Variants in HDAC9 observed in about 807,000 individuals in gnomAD.
HDAC9 encodes the protein histone deacetylase 9.
In HDAC9, 41 loss-of-function variants were observed where a neutral mutation model predicts 139.4. That is an observed-to-expected ratio of 0.29 (90% CI 0.23 to 0.38). The LOEUF (loss-of-function observed/expected upper bound fraction) is 0.38, where lower values mean the gene tolerates loss of function less well. Ranked by LOEUF, HDAC9 falls within the 10% of genes least tolerant of loss-of-function variation. The pLI, the probability that HDAC9 is intolerant of heterozygous loss-of-function variation, is 1.00. For synonymous variants in HDAC9, 517 were observed against 476.2 expected (o/e 1.09, Z -1.12); for missense variants, 1,147 against 1,297.0 (o/e 0.88, Z 1.78).
chr7:18,297,855 G>T (rs1798253424), intron 1 of HDAC9, among the ~76,000 whole-genome samples: 1 of 152,192 alleles, frequency 6.6e-6, no homozygotes, highest in Non-Finnish European at 1.5e-5. Flanking sequence ...AGTTGGTCTG[G>T]ATAATGTGTC....
intron 22 of HDAC9, among the ~76,000 whole-genome samples, chr7:18,885,759 G>A (rs1240025257): frequency 6.6e-6 from 1 of 152,132 alleles, no homozygotes; most frequent in African/African-American, 2.4e-5. Context: ...TTCCAACAAT[G>A]ACTTTTTTGT....
chr7:18,247,105 T>C (rs1013406191), intron 2 of HDAC9, among the ~76,000 whole-genome samples: 1 of 151,932 alleles, frequency 6.6e-6, no homozygotes, highest in African/African-American at 2.4e-5. Flanking sequence ...AGGTTGAGTT[T>C]GAGATGTCTG....
At chr7:18,627,809 T>C (rs569552685) in intron 6 of HDAC9, among the ~76,000 whole-genome samples, 1 of 152,076 alleles carries the variant, frequency 6.6e-6, no homozygotes, top group Non-Finnish European at 1.5e-5. Flanking sequence ...GGGCTTTTGG[T>C]TTTTTTATCT....
chr7:18,204,504 A>G (rs1791358371), intron 2 of HDAC9, among the ~76,000 whole-genome samples: 1 of 152,038 alleles, frequency 6.6e-6, no homozygotes, highest in Non-Finnish European at 1.5e-5. Context: ...ATTGTTAACA[A>G]TAATGTATGG....
chr7:18,148,641 G>C (rs1216288526), intron 1 of HDAC9, among the ~76,000 whole-genome samples: 2 of 152,086 alleles, frequency 1.3e-5, no homozygotes, highest in East Asian at 3.9e-4. Context: ...TGTATTTTTA[G>C]TAGAGATGGG....
intron 1 of HDAC9, among the ~76,000 whole-genome samples, chr7:18,426,482 A>G (rs976419122): frequency 6.6e-6 from 1 of 152,190 alleles, no homozygotes; most frequent in Non-Finnish European, 1.5e-5. Context: ...ATTGGCGCAA[A>G]TTATTTACAT....
intron 1 of HDAC9, among the ~76,000 whole-genome samples, chr7:18,325,054 G>A (rs768466018): frequency 7.8e-4 from 119 of 152,044 alleles, no homozygotes; most frequent in Non-Finnish European, 1.6e-3. Context: ...ATCTGTTTAT[G>A]CACATTGGGA....
chr7:18,716,301 G>C (rs1316450718), intron 12 of HDAC9, among the ~76,000 whole-genome samples: 1 of 152,022 alleles, frequency 6.6e-6, no homozygotes, highest in African/African-American at 2.4e-5. Flanking sequence ...TTTTCTACAG[G>C]CAATTGTAAA....
intron 22 of HDAC9, among the ~76,000 whole-genome samples, chr7:18,916,400 G>A (rs1191905314): frequency 2.6e-5 from 4 of 151,798 alleles, no homozygotes; most frequent in African/African-American, 9.7e-5. Flanking sequence ...TGTGTCTCAG[G>A]GTGGCAAAGT....
chr7:18,449,828 A>G (rs1453275785), intron 1 of HDAC9, among the ~76,000 whole-genome samples: 1 of 152,162 alleles, frequency 6.6e-6, no homozygotes, highest in Non-Finnish European at 1.5e-5. Flanking sequence ...TTTACTAATT[A>G]TCTGTTTGCA....
chr7:18,879,234 C>A (rs1455424152), intron 22 of HDAC9, among the ~76,000 whole-genome samples: 3 of 152,094 alleles, frequency 2.0e-5, no homozygotes, highest in Non-Finnish European at 4.4e-5. Context: ...GCCGCACTGC[C>A]CAAAGCAATT....
intron 11 of HDAC9, among the ~76,000 whole-genome samples, chr7:18,661,323 G>A (rs942447770): frequency 1.3e-5 from 2 of 152,024 alleles, no homozygotes; most frequent in Admixed American, 1.3e-4. Flanking sequence ...TGGGAATAAA[G>A]GTTATTTTTG....
chr7:18,228,672 A>G (rs917303126), intron 2 of HDAC9, among the ~76,000 whole-genome samples: 6 of 152,222 alleles, frequency 3.9e-5, no homozygotes, highest in South Asian at 4.1e-4. Flanking sequence ...TGGTTCTCAG[A>G]TCAACACCAA....
chr7:18,177,147 A>T (rs1180285930), intron 2 of HDAC9, among the ~76,000 whole-genome samples: 1 of 152,140 alleles, frequency 6.6e-6, no homozygotes, highest in Admixed American at 6.6e-5. Flanking sequence ...ATTCTGCCTA[A>T]GTCCAGAAAA....
intron 14 of HDAC9, among the ~76,000 whole-genome samples, chr7:18,754,294 G>C (rs10234134): frequency 0.036 from 5,417 of 152,086 alleles, 304 homozygotes; most frequent in African/African-American, 0.12. Flanking sequence ...TCAGAAACAA[G>C]CTATTTGATT....
At chr7:18,198,852 G>A (rs1790905000) in intron 2 of HDAC9, among the ~76,000 whole-genome samples, 2 of 152,122 alleles carry the variant, frequency 1.3e-5, no homozygotes, top group Non-Finnish European at 2.9e-5. Flanking sequence ...TAGACTACTA[G>A]CACTAACAAC....
chr7:18,400,984 T>C (rs1035981658), intron 1 of HDAC9, among the ~76,000 whole-genome samples: 7 of 152,152 alleles, frequency 4.6e-5, no homozygotes, highest in South Asian at 2.1e-4. Flanking sequence ...GATGCCTTAG[T>C]TGTGGTATAA....
At chr7:18,570,624 A>T (rs1823966954) in intron 2 of HDAC9, among the ~76,000 whole-genome samples, 1 of 152,132 alleles carries the variant, frequency 6.6e-6, no homozygotes, top group South Asian at 2.1e-4. Context: ...GTGTGTTCTA[A>T]TTCCTGTTGT....
intron 1 of HDAC9, among the ~76,000 whole-genome samples, chr7:18,337,627 G>GT (rs1202434227): frequency 2.0e-5 from 3 of 151,788 alleles, no homozygotes; most frequent in African/African-American, 7.2e-5. Flanking sequence ...TGGTAACAGC[G>GT]TAAGACTTGC....
Sources: allele counts gnomAD v4.1 joint callset (sites outside exome capture counted in the v4.1 genomes callset), GRCh38; gene constraint gnomAD v4.1.1; transcripts MANE v1.5; gene names NCBI Gene and HGNC (gene_info 2026-07-23, HGNC 2026-07-21).